The following CSMD1 variants were observed in gnomAD, a reference collection of about 807,000 sequenced individuals.
CSMD1 encodes CUB and sushi domain-containing protein 1.
In CSMD1, 213 loss-of-function variants were observed where a neutral mutation model predicts 417.5. The ratio of observed to expected loss-of-function variants is 0.51; its 90% confidence interval spans 0.46 to 0.57. The LOEUF (loss-of-function observed/expected upper bound fraction) is 0.57, where lower values mean the gene tolerates loss of function less well. Ranked by LOEUF, CSMD1 falls within the 20% of genes least tolerant of loss-of-function variation. CSMD1 has a pLI of 0.00. For missense variants in CSMD1, 6,923 were observed against 4,529.7 expected (o/e 1.53, Z -15.17); for synonymous variants, 2,862 against 1,736.8 (o/e 1.65, Z -16.11).
At chr8:3,148,228 T>C (rs540346253) in intron 40 of CSMD1, among the ~76,000 whole-genome samples, 1 of 152,302 alleles carries the variant, frequency 6.6e-6, no homozygotes, top group African/African-American at 2.4e-5. Context: ...CCATTTTGTT[T>C]TACGTAAAAA....
chr8:3,355,563 A>G (rs747426544), intron 21 of CSMD1, among the ~76,000 whole-genome samples: 3 of 152,202 alleles, frequency 2.0e-5, no homozygotes, highest in Non-Finnish European at 2.9e-5. Context: ...GGACTTGTAC[A>G]TAAGCGATCT....
intron 1 of CSMD1, among the ~76,000 whole-genome samples, chr8:4,679,887 G>A (rs890937273): frequency 1.5e-4 from 23 of 152,102 alleles, no homozygotes; most frequent in African/African-American, 5.1e-4. Flanking sequence ...CAATAGAAAT[G>A]CTCATTTAAT....
chr8:4,580,121 G>A (rs77587319), intron 2 of CSMD1, among the ~76,000 whole-genome samples: 3,891 of 152,234 alleles, frequency 0.026, 84 homozygotes, highest in Middle Eastern at 0.051. Context: ...TCTTTAAAAT[G>A]TATTAAACAC....
intron 3 of CSMD1, among the ~76,000 whole-genome samples, chr8:4,285,199 T>C (rs529947692): frequency 1.7e-3 from 252 of 152,338 alleles, no homozygotes; most frequent in African/African-American, 5.8e-3. Flanking sequence ...TCAAGGAGTG[T>C]GTTAAAATTC....
At chr8:3,852,453 G>C (rs1803980185) in intron 5 of CSMD1, among the ~76,000 whole-genome samples, 1 of 152,178 alleles carries the variant, frequency 6.6e-6, no homozygotes, top group Admixed American at 6.5e-5. Context: ...AGAGGGTAGG[G>C]CTGCAGGGCT....
chr8:3,643,939 T>C (rs187736471), intron 7 of CSMD1, among the ~76,000 whole-genome samples: 101 of 152,282 alleles, frequency 6.6e-4, no homozygotes, highest in African/African-American at 2.3e-3. Context: ...GTGTATTTAG[T>C]TGGATGAAAT....
intron 18 of CSMD1, among the ~76,000 whole-genome samples, chr8:3,373,054 T>G (rs551269920): frequency 1.3e-5 from 2 of 152,298 alleles, no homozygotes; most frequent in South Asian, 2.1e-4. Context: ...GTAAAACATT[T>G]TATGTAAAAC....
intron 3 of CSMD1, among the ~76,000 whole-genome samples, chr8:4,176,682 G>C (rs28712468): frequency 0.78 from 116,545 of 150,304 alleles, 45,322 homozygotes; most frequent in South Asian, 0.88. Flanking sequence ...ATTCAGGAAA[G>C]CCATCTCACG....
intron 11 of CSMD1, among the ~76,000 whole-genome samples, chr8:3,472,915 T>C (rs1335841742): frequency 1.3e-5 from 2 of 152,124 alleles, no homozygotes; most frequent in South Asian, 2.1e-4. Context: ...CGTACTTCTT[T>C]GATGTTTTTC....
intron 5 of CSMD1, among the ~76,000 whole-genome samples, chr8:3,918,893 G>A (rs775868967): frequency 6.6e-6 from 1 of 151,802 alleles, no homozygotes; most frequent in African/African-American, 2.4e-5. Flanking sequence ...AATAGGAAGG[G>A]GGTGAAGGAT....
intron 5 of CSMD1, among the ~76,000 whole-genome samples, chr8:3,770,212 T>C (rs1351321796): frequency 6.6e-6 from 1 of 152,172 alleles, no homozygotes; most frequent in Non-Finnish European, 1.5e-5. Context: ...TTTCTACACA[T>C]GGCTTCTTTC....
At chr8:4,576,838 T>A (rs182914473) in intron 2 of CSMD1, among the ~76,000 whole-genome samples, 41 of 152,290 alleles carry the variant, frequency 2.7e-4, no homozygotes, top group Admixed American at 2.7e-3. Flanking sequence ...CTATTTTAAT[T>A]TCATGTACAT....
At position 4,874,825 on chromosome 8, in the gene CSMD1, C is replaced by T. The variant is rs137862829; in HGVS notation, c.85+119507G>A. On this transcript the variant is annotated intron_variant, in intron 1 of 69. Transcript: ENST00000635120. ...GTATATATATATATTTACACACACACTTAATTCTGGTTTATATATATATAA... is the reference window on the plus strand; with the variant it reads ...GTATATATATATATTTACACACACATTTAATTCTGGTTTATATATATATAA... Among the ~76,000 whole-genome samples the T allele has an allele frequency of 4.1e-3, 620 of 149,502 alleles. 10 individuals are homozygous for T. Among genetic ancestry groups the T allele is most frequent in the Middle Eastern group, 0.011 (3 of 276 alleles).
At chr8:3,651,938 T>C (rs1405963153) in intron 7 of CSMD1, among the ~76,000 whole-genome samples, 163 of 135,162 alleles carry the variant, frequency 1.2e-3, no homozygotes, top group Middle Eastern at 5.4e-3. Flanking sequence ...CCACCATCAG[T>C]GGGCCTACCA....
chr8:3,716,278 G>T (rs964492935), intron 6 of CSMD1, among the ~76,000 whole-genome samples: 1 of 152,154 alleles, frequency 6.6e-6, no homozygotes, highest in Non-Finnish European at 1.5e-5. Flanking sequence ...ATGCAAAACA[G>T]AATTCAGTGG....
At chr8:3,683,734 C>G (rs147225393) in intron 7 of CSMD1, among the ~76,000 whole-genome samples, 4 of 152,270 alleles carry the variant, frequency 2.6e-5, no homozygotes, top group African/African-American at 9.6e-5. Context: ...GTAGGTTCAA[C>G]TCAAACCCAG....
At chr8:4,242,373 A>C (rs1802453209) in intron 3 of CSMD1, among the ~76,000 whole-genome samples, 1 of 152,202 alleles carries the variant, frequency 6.6e-6, no homozygotes, top group Admixed American at 6.5e-5. Flanking sequence ...AGAGCTGTAA[A>C]TGAGAGAAGA....
At chr8:3,613,083 G>C (rs749326228) in intron 8 of CSMD1, among the ~76,000 whole-genome samples, 10 of 151,916 alleles carry the variant, frequency 6.6e-5, no homozygotes, top group Non-Finnish European at 1.5e-4. Context: ...TCAAGAATTT[G>C]AGCTGTGAAA....
intron 26 of CSMD1, among the ~76,000 whole-genome samples, chr8:3,238,333 A>T (rs550243595): frequency 1.3e-5 from 2 of 152,174 alleles, no homozygotes; most frequent in East Asian, 3.9e-4. Flanking sequence ...TTAAGGCAGG[A>T]ACTGGCCATC....
Sources: allele counts gnomAD v4.1 joint callset (sites outside exome capture counted in the v4.1 genomes callset), GRCh38; gene constraint gnomAD v4.1.1; transcripts MANE v1.5; gene names NCBI Gene and HGNC (gene_info 2026-07-23, HGNC 2026-07-21).